The following DMAC2 variants were observed in gnomAD, a reference collection of about 807,000 sequenced individuals.
The protein encoded by DMAC2 is distal membrane arm assembly component 2.
Under a neutral mutation model 29.6 loss-of-function variants are expected in DMAC2, and 32 were observed. The ratio of observed to expected loss-of-function variants is 1.08; its 90% CI spans 0.81 to 1.45. DMAC2 has a LOEUF of 1.45. Among genes scored for constraint, DMAC2 ranks in the 40% most tolerant of loss-of-function variants. The pLI, the probability that DMAC2 is intolerant of heterozygous loss-of-function variation, is 0.00. For missense variants in DMAC2, 319 were observed against 340.0 expected, an observed-to-expected ratio of 0.94 and a Z score of 0.49; for synonymous variants, 133 against 137.4, an observed-to-expected ratio of 0.97 and a Z score of 0.23.
chr19:41,434,689 G>A (rs1555770709), intron 3 of DMAC2, among the ~76,000 whole-genome samples: 1 of 152,076 alleles, frequency 6.6e-6, no homozygotes, highest in Non-Finnish European at 1.5e-5. Flanking sequence ...CGGGGAAGAA[G>A]GAAAGAAAGA....
intron 2 of DMAC2, 138 bp downstream of exon 2, chr19:41,438,080 T>C (rs542737107): frequency 3.8e-6 from 3 of 793,036 alleles, no homozygotes; most frequent in Non-Finnish European, 6.1e-6. Flanking sequence ...TTGAGAAGGG[T>C]ACAGCCTGGA....
Position 41,431,490 on chromosome 19 carries a change from A to C in DMAC2, c.*741T>G. Reference sequence around the variant, plus strand: ...GTGGAGGCGCTGTGTCTCCTACGCAACTTCTGAGGGCTGGAGGGTGCCAAG... The same window carrying C: ...GTGGAGGCGCTGTGTCTCCTACGCACCTTCTGAGGGCTGGAGGGTGCCAAG... On this transcript the variant is annotated 3_prime_UTR_variant, in exon 6 of 6. Transcript: ENST00000221943. 2.8e-6 allele frequency: 1 copy of C among 363,448 alleles called. No homozygotes were observed. The highest frequency in any genetic ancestry group is 7.3e-5 in the East Asian group (1 of 13,628). 22.5% of individuals were successfully genotyped at this position (363,448 alleles called of 1,614,324 possible). A position where few individuals can be genotyped will look rare whatever the true frequency, so the allele number is the denominator to read the frequency against.
chr19:41,439,433 T>G, intron 1 of DMAC2: 1 of 1,498,936 alleles, frequency 6.7e-7, no homozygotes, highest in Non-Finnish European at 9.0e-7. Context: ...GCTTTTGAGT[T>G]TTCTGTAAAA....
rs567536958 is a variant in DMAC2 at position 41,432,688 on chromosome 19, A to G, written c.597-280T>C. ...TGTGTGTGTGTGTGTATAGGGAGAT[A>G]AGCCAGTATAAGGACAGCGTGTGTG... is the stretch of plus-strand genomic sequence containing the variant. On this transcript the variant is annotated intron_variant, in intron 5 of 5. Transcript: ENST00000221943. 9.7e-5 allele frequency: 28 copies of G among 289,866 alleles called. No individual in the cohort carries two copies. The East Asian group carries it at 2.1e-3, about 22-fold the overall frequency. 18.0% of individuals were successfully genotyped at this position (289,866 alleles called of 1,614,324 possible).
At chr19:41,437,091 T>C (rs1376562488) in intron 2 of DMAC2, among the ~76,000 whole-genome samples, 1 of 152,124 alleles carries the variant, frequency 6.6e-6, no homozygotes, top group East Asian at 1.9e-4. Context: ...TTCAGCTGCT[T>C]TGTAGATTAT....
intron 3 of DMAC2, among the ~76,000 whole-genome samples, chr19:41,434,459 C>T (rs1044164196): frequency 6.7e-6 from 1 of 148,528 alleles, no homozygotes; most frequent in Non-Finnish European, 1.5e-5. Flanking sequence ...AACTGAGGGT[C>T]AGCGAGATTA....
chr19:41,437,464 C>G (rs563041887), intron 2 of DMAC2, among the ~76,000 whole-genome samples: 5 of 152,032 alleles, frequency 3.3e-5, no homozygotes, highest in African/African-American at 1.2e-4. Flanking sequence ...TCTGGGAGAC[C>G]GAGGCAGGCG....
In DMAC2 at chr19:41,433,662, T is replaced by A; in HGVS notation, c.308A>T (p.Lys103Met). Residue 103 changes from lysine (K) to methionine (M), a missense_variant, in exon 4 of 6, where the codon AAG becomes ATG. Lys to Met is a moderately conservative substitution (Grantham distance 95). Transcript: ENST00000221943. ...ATACTTATCTGGCCTGATCCACTCC[T>A]TGTCTCGAAACCTGGAAACGGGAAA... ...KQGGAVKFRDKEWIRPDKYGH... is the reference protein window; with the variant it reads ...KQGGAVKFRDMEWIRPDKYGH... 6.2e-7 allele frequency: 1 copy of A among 1,614,204 alleles called. No homozygotes were observed. Among genetic ancestry groups the A allele is most frequent in the Non-Finnish European group, 8.5e-7 (1 of 1,180,012 alleles).
In DMAC2 at chr19:41,439,870, C is replaced by T. The variant is rs1555772553; in HGVS notation, c.18+12G>A. Reference sequence around the variant, plus strand: ...CTTCAAATTTGGGGCTCTAGGAACTCCGGTCACTTACCGCCCAGGGAGCCG... The same window carrying T: ...CTTCAAATTTGGGGCTCTAGGAACTTCGGTCACTTACCGCCCAGGGAGCCG... On this transcript the variant is annotated intron_variant, in intron 1 of 5. Coordinates refer to ENST00000221943, the MANE Select transcript of DMAC2 (RefSeq NM_018035.3). 5.0e-6 allele frequency: 8 copies of T among 1,614,218 alleles called. No homozygotes were observed. Among genetic ancestry groups the T allele is most frequent in the Non-Finnish European group, 6.8e-6 (8 of 1,180,042 alleles).
chr19:41,435,467 A>G (rs2039807645), intron 3 of DMAC2, among the ~76,000 whole-genome samples: 2 of 152,050 alleles, frequency 1.3e-5, no homozygotes, highest in South Asian at 2.1e-4. Context: ...ACAGGGTTTC[A>G]CCACGTTGGC....
intron 5 of DMAC2, 162 bp downstream of exon 5, chr19:41,433,110 A>G: frequency 6.6e-6 from 5 of 752,892 alleles, no homozygotes; most frequent in Non-Finnish European, 1.0e-5. Flanking sequence ...TCTTCCAGAG[A>G]CTCACTGTGA....
chr19:41,433,021 C>T (rs1300592754), intron 5 of DMAC2: 1 of 534,074 alleles, frequency 1.9e-6, no homozygotes, highest in Non-Finnish European at 3.3e-6. Context: ...GCAACTCCAG[C>T]TCCTGCTGTT....
At chr19:41,433,202 TC>T (rs2039520786) in intron 5 of DMAC2, 69 bp downstream of exon 5, 6 of 1,484,610 alleles carry the variant, frequency 4.0e-6, no homozygotes, top group Non-Finnish European at 5.4e-6. Context: ...CCTCCCCACT[TC>T]CTCTCCTGCA....
chr19:41,435,325 A>G (rs1555770865), intron 3 of DMAC2, among the ~76,000 whole-genome samples: 1 of 152,042 alleles, frequency 6.6e-6, no homozygotes, highest in Non-Finnish European at 1.5e-5. Context: ...GCTGGAGTGC[A>G]GTGGCGTGAT....
At chr19:41,432,783 CGTGTGTGTGTGTGT>C (rs374254190) in intron 5 of DMAC2, 23 of 303,288 alleles carry the variant, frequency 7.6e-5, no homozygotes, top group Admixed American at 2.2e-4. Context: ...GGACAGCGTG[CGTGTGTGTGTGTGT>C]GTGTGTGTGT....
chr19:41,433,754 T>C, intron 3 of DMAC2, 81 bp from the exon 4 acceptor site: 1 of 1,568,818 alleles, frequency 6.4e-7, no homozygotes, highest in Non-Finnish European at 8.7e-7. Context: ...TCCCCAGCCC[T>C]ATATAATATG....
intron 3 of DMAC2, 119 bp from the exon 4 acceptor site, chr19:41,433,792 C>G: frequency 7.3e-7 from 1 of 1,378,440 alleles, no homozygotes; most frequent in Non-Finnish European, 9.9e-7. Flanking sequence ...ATAACTAATT[C>G]CATCTTAGAA....
chr19:41,435,202 T>A (rs2039794342), intron 3 of DMAC2, among the ~76,000 whole-genome samples: 1 of 152,012 alleles, frequency 6.6e-6, no homozygotes, highest in South Asian at 2.1e-4. Flanking sequence ...GGTCTTGAAC[T>A]CCTGGGCTCA....
intron 3 of DMAC2, among the ~76,000 whole-genome samples, chr19:41,434,990 G>T (rs913375157): frequency 6.8e-6 from 1 of 145,988 alleles, no homozygotes; most frequent in South Asian, 2.2e-4. Context: ...TGGGCGACAA[G>T]AGCAAGACTC....
Sources: gnomAD v4.1 joint callset for allele counts (sites outside exome capture counted in the v4.1 genomes callset) on GRCh38, gnomAD v4.1.1 for gene constraint, MANE v1.5 for transcripts, NCBI Gene and HGNC (gene_info 2026-07-23, HGNC 2026-07-21) for gene names.